Variants in CAMTA1 observed in about 807,000 individuals in gnomAD.
The protein encoded by CAMTA1 is calmodulin binding transcription activator 1, also known as calmodulin-binding transcription activator 1.
In CAMTA1, 27 loss-of-function variants were observed where a neutral mutation model predicts 170.9. The ratio of observed to expected loss-of-function variants is 0.16; its 90% confidence interval spans 0.12 to 0.22. The LOEUF (loss-of-function observed/expected upper bound fraction) is 0.22, where lower values mean the gene tolerates loss of function less well. Among genes scored for constraint, CAMTA1 ranks in the 10% least tolerant of loss-of-function variants. The pLI is 1.00. For synonymous variants in CAMTA1, 833 were observed against 891.5 expected, an observed-to-expected ratio of 0.93 and a Z score of 1.17; for missense variants, 1,619 against 2,217.2, an observed-to-expected ratio of 0.73 and a Z score of 5.42.
At chr1:7,719,897 C>A (rs4908685) in intron 11 of CAMTA1, among the ~76,000 whole-genome samples, 4,061 of 152,372 alleles carry the variant, frequency 0.027, 91 homozygotes, top group Non-Finnish European at 0.045. Context: ...CCTGCCAGGG[C>A]AGCCAAGGGC....
chr1:7,116,625 T>C (rs1271693537), intron 4 of CAMTA1, among the ~76,000 whole-genome samples: 2 of 151,918 alleles, frequency 1.3e-5, no homozygotes, highest in African/African-American at 4.8e-5. Context: ...TCTTGCTAAG[T>C]ATTTGACTTA....
At chr1:7,188,158 G>A (rs748297395) in intron 4 of CAMTA1, among the ~76,000 whole-genome samples, 2 of 152,036 alleles carry the variant, frequency 1.3e-5, no homozygotes, top group South Asian at 2.1e-4. Flanking sequence ...CATGGTGGGG[G>A]GAACTGCCCC....
chr1:6,996,157 C>T (rs1327301803), intron 3 of CAMTA1, among the ~76,000 whole-genome samples: 1 of 152,246 alleles, frequency 6.6e-6, no homozygotes, highest in Non-Finnish European at 1.5e-5. Context: ...AATAAACAGA[C>T]ATCTTCATAC....
At chr1:7,353,407 ACTCTTTTTTTTTTTTCTTTCT>A (rs1024577929) in intron 5 of CAMTA1, among the ~76,000 whole-genome samples, 2 of 132,364 alleles carry the variant, frequency 1.5e-5, no homozygotes, top group Admixed American at 8.4e-5. Flanking sequence ...CCAAATCTGA[ACTCTTTTTTTTTTTTCTTTCT>A]CTCTTTTTTT....
intron 4 of CAMTA1, among the ~76,000 whole-genome samples, chr1:7,181,479 G>A (rs1652146301): frequency 1.3e-5 from 2 of 151,960 alleles, no homozygotes; most frequent in African/African-American, 2.4e-5. Flanking sequence ...TAGTATACTG[G>A]GATAACCCTA....
chr1:7,082,364 T>C (rs1640124745), intron 3 of CAMTA1, among the ~76,000 whole-genome samples: 1 of 152,096 alleles, frequency 6.6e-6, no homozygotes, highest in South Asian at 2.1e-4. Context: ...CTTGAACCTA[T>C]GAGGCAGAGG....
In CAMTA1 at chr1:7,665,094, C is replaced by T. The variant is rs763114939; in HGVS notation, c.2547C>T (p.Ala849=). 1.2e-5 allele frequency: 19 copies of T among 1,543,034 alleles called. No homozygotes were observed. The highest frequency in any genetic ancestry group is 5.9e-5 in the Admixed American group (3 of 50,936). Residue 849 remains alanine (A), a synonymous_variant, in exon 9 of 23, where the codon GCC becomes GCT. Transcript: ENST00000303635. This position sits in a 1 kb window ranked among gnomAD's most constrained non-coding sequence, Gnocchi z 4.3. The stretch of plus-strand genomic sequence containing the variant: ...GCACCATGGCCTACATGCACGTCGC[C>T]GAGGTGGTCTCGGCCGCCTCGGCCC... ...GASTMAYMHV[A]EVVSAASAQG...
In CAMTA1 at chr1:7,060,300, T is replaced by A. The variant is rs141788507; in HGVS notation, c.235-31004T>A. Among the ~76,000 whole-genome samples, 490 of 152,310 alleles carry A rather than the reference T, an allele frequency of 3.2e-3. 3 individuals are homozygous for A. The highest frequency in any genetic ancestry group is 0.011 in the African/African-American group (466 of 41,554). ...CTCTCTCCTTGGCCTGCAGACGGTG[T>A]CTTCTTGCCCTGTCCTCACATGGCG... is the stretch of plus-strand genomic sequence containing the variant. On this transcript the variant is annotated intron_variant, in intron 3 of 22. Coordinates refer to ENST00000303635, the MANE Select transcript of CAMTA1 (RefSeq NM_015215.4).
At chr1:7,134,250 A>G (rs1230198637) in intron 4 of CAMTA1, among the ~76,000 whole-genome samples, 1 of 152,144 alleles carries the variant, frequency 6.6e-6, no homozygotes, top group Non-Finnish European at 1.5e-5. Context: ...TTATGGCTGC[A>G]TAGTATTCTA....
chr1:6,785,618 C>A, intron 1 of CAMTA1, 43 bp downstream of exon 1: 1 of 979,220 alleles, frequency 1.0e-6, no homozygotes, highest in South Asian at 4.6e-5. Context: ...GCGCGGCGGG[C>A]GGCGGGACCC....
chr1:7,369,857 C>T (rs1167513744), intron 5 of CAMTA1, among the ~76,000 whole-genome samples: 2 of 152,148 alleles, frequency 1.3e-5, no homozygotes, highest in Non-Finnish European at 2.9e-5. Flanking sequence ...TCCTAGGAGC[C>T]CAGGGCACAG....
intron 3 of CAMTA1, among the ~76,000 whole-genome samples, chr1:6,946,197 T>C (rs1468563775): frequency 6.6e-6 from 1 of 151,380 alleles, no homozygotes; most frequent in Non-Finnish European, 1.5e-5. Flanking sequence ...TCTTTTTTTT[T>C]TTTTCTTTTT....
At chr1:7,606,445 T>C (rs761353933) in intron 6 of CAMTA1, among the ~76,000 whole-genome samples, 1 of 152,214 alleles carries the variant, frequency 6.6e-6, no homozygotes, top group Non-Finnish European at 1.5e-5. Flanking sequence ...TGATGAAAAG[T>C]GGCCTATATC....
intron 3 of CAMTA1, among the ~76,000 whole-genome samples, chr1:6,939,033 C>T (rs1408653306): frequency 6.6e-6 from 1 of 152,224 alleles, no homozygotes; most frequent in Non-Finnish European, 1.5e-5. Context: ...AGTCCTCGCC[C>T]TGGGACCCAG....
intron 3 of CAMTA1, among the ~76,000 whole-genome samples, chr1:6,961,107 A>T (rs1690322154): frequency 6.6e-6 from 1 of 152,224 alleles, no homozygotes. Context: ...AGTTTCTGGA[A>T]TGAATTCTCA....
Position 7,679,582 on chromosome 1 carries a change from C to CCA in CAMTA1, c.2914+1850_2914+1851insAC, listed in dbSNP as rs201978758. ...GGCACCTGCTCCCTAGCTGCCCCCC[C>CCA]CCCCAGAACTTTGAGCTCTGAACTC... On this transcript the variant is annotated intron_variant, in intron 11 of 22. Transcript: ENST00000303635. 6.5e-3 allele frequency among the ~76,000 whole-genome samples: 990 copies of CCA among 151,850 alleles called. 39 individuals carry two copies. Among genetic ancestry groups the CCA allele is most frequent in the African/African-American group, 0.023 (947 of 41,300 alleles).
At chr1:7,033,588 C>CTTTTT (rs34282545) in intron 3 of CAMTA1, among the ~76,000 whole-genome samples, 48 of 95,112 alleles carry the variant, frequency 5.0e-4, no homozygotes, top group African/African-American at 6.9e-4. Flanking sequence ...TGTAAATATT[C>CTTTTT]TTTTTTTTTT....
At chr1:6,810,499 G>T (rs1162150437) in intron 1 of CAMTA1, among the ~76,000 whole-genome samples, 1 of 152,178 alleles carries the variant, frequency 6.6e-6, no homozygotes, top group African/African-American at 2.4e-5. Flanking sequence ...CTCCGGGGGA[G>T]GGGGTTACAC....
intron 4 of CAMTA1, among the ~76,000 whole-genome samples, chr1:7,239,929 C>T (rs1043121494): frequency 2.0e-5 from 3 of 151,936 alleles, no homozygotes; most frequent in Non-Finnish European, 4.4e-5. Context: ...TAAAAAAAAG[C>T]CACTCCTGTA....
Sources: allele counts gnomAD v4.1 joint callset (sites outside exome capture counted in the v4.1 genomes callset), GRCh38; gene constraint gnomAD v4.1.1; non-coding constraint Gnocchi (gnomAD v3.1); transcripts MANE v1.5; gene names NCBI Gene and HGNC (gene_info 2026-07-23, HGNC 2026-07-21).